RLF: variants seen among roughly 807,000 people sequenced by gnomAD.
RLF encodes the protein zinc finger protein Rlf.
A neutral mutation model predicts 162.9 loss-of-function variants in RLF; 7 were observed. The observed-to-expected ratio is 0.04, with a 90% CI of 0.02 to 0.08. The LOEUF is 0.08. RLF is among the 10% of genes least tolerant of loss of function. The pLI, the probability that RLF is intolerant of heterozygous loss-of-function variation, is 1.00. For synonymous variants in RLF, 782 were observed against 791.5 expected (o/e 0.99, Z 0.20); for missense variants, 1,664 against 2,244.7 (o/e 0.74, Z 5.23).
At chr1:40,221,917 A>AAAAAGAG (rs1486982312) in intron 5 of RLF, among the ~76,000 whole-genome samples, 7 of 150,372 alleles carry the variant, frequency 4.7e-5, no homozygotes, top group African/African-American at 1.5e-4. Flanking sequence ...AAAAAAAAAA[A>AAAAAGAG]AGAGAAAGGA....
chr1:40,213,937 T>G (rs543998673), intron 5 of RLF, among the ~76,000 whole-genome samples: 31 of 152,376 alleles, frequency 2.0e-4, no homozygotes, highest in African/African-American at 7.0e-4. Context: ...CCTTCTGTTA[T>G]GCCAGTTGGC....
chr1:40,175,461 C>T (rs1642310588), intron 1 of RLF, among the ~76,000 whole-genome samples: 1 of 151,938 alleles, frequency 6.6e-6, no homozygotes, highest in African/African-American at 2.4e-5. Context: ...CCAGCCTGGC[C>T]AGTATGGTGA....
Position 40,239,903 on chromosome 1 carries a change from G to A in RLF, c.5201G>A (p.Gly1734Glu). ...KESETRQHSSGQENTVKNPTH... is the reference protein window; with the variant it reads ...KESETRQHSSEQENTVKNPTH... ...TCAGAAACTAGGCAGCATAGTTCAGGGCAAGAAAACACTGTAAAAAATCCA... is the reference window on the plus strand; with the variant it reads ...TCAGAAACTAGGCAGCATAGTTCAGAGCAAGAAAACACTGTAAAAAATCCA... The change falls in exon 8 of 8, where the codon GGG (glycine) becomes GAG (glutamate). Residue 1734 changes from glycine (G) to glutamate (E), a missense_variant. Around this residue, in one of 15 missense-constraint regions of RLF, gnomAD observed 327 missense variants for 342.7 expected, o/e 0.95. Coordinates refer to ENST00000372771, the MANE Select transcript of RLF (RefSeq NM_012421.4). The A allele has an allele frequency of 6.2e-7, 1 of 1,613,594 alleles. No individual in the cohort carries two copies. Among genetic ancestry groups the A allele is most frequent in the South Asian group, 1.1e-5 (1 of 91,080 alleles).
At chr1:40,167,732 C>T (rs1233540087) in intron 1 of RLF, among the ~76,000 whole-genome samples, 1 of 150,458 alleles carries the variant, frequency 6.6e-6, no homozygotes, top group African/African-American at 2.5e-5. Context: ...CACTACTAAT[C>T]TTGTATGTCC....
chr1:40,190,520 G>GCATT (rs1158384362), intron 2 of RLF, among the ~76,000 whole-genome samples: 1 of 152,140 alleles, frequency 6.6e-6, no homozygotes, highest in Non-Finnish European at 1.5e-5. Context: ...CTTGGAATGT[G>GCATT]ATTTCTAAAG....
chr1:40,213,523 G>A (rs1642888896), intron 5 of RLF, among the ~76,000 whole-genome samples: 1 of 152,112 alleles, frequency 6.6e-6, no homozygotes, highest in Non-Finnish European at 1.5e-5. Flanking sequence ...TTTTAAAACT[G>A]GTCAGTATTC....
intron 5 of RLF, among the ~76,000 whole-genome samples, chr1:40,208,816 CA>C (rs1184846175): frequency 1.3e-5 from 2 of 151,980 alleles, no homozygotes; most frequent in Admixed American, 1.3e-4. Context: ...GACCCTGTCT[CA>C]AAAACAAAAA....
At chr1:40,182,553 A>G (rs1189827816) in intron 1 of RLF, among the ~76,000 whole-genome samples, 1 of 152,210 alleles carries the variant, frequency 6.6e-6, no homozygotes, top group African/African-American at 2.4e-5. Flanking sequence ...TTGCATATGT[A>G]TGTAACAATG....
chr1:40,238,456 A>G lies in RLF; in HGVS notation c.3754A>G (p.Ser1252Gly). The stretch of plus-strand genomic sequence containing the variant: ...CTGTCATCCTAAAAAGGATGAATGT[A>G]GTTCTGAAACAGATTTGGAATCATC... The part of the protein sequence containing the change: ...PHCHPKKDEC[S>G]SETDLESSCE... Residue 1252 changes from serine to glycine, a missense_variant, in exon 8 of 8, where the codon AGT (serine) becomes GGT (glycine). This residue lies in a region of RLF where 102 missense variants were observed against 109.5 expected (regional missense o/e 0.93). Transcript: ENST00000372771. This position sits in a 1 kb window ranked among gnomAD's most constrained non-coding sequence, Gnocchi z 5.2. The G allele has an allele frequency of 6.2e-7, 1 of 1,614,174 alleles. No individual in the cohort carries two copies. Among genetic ancestry groups the G allele is most frequent in the Non-Finnish European group, 8.5e-7 (1 of 1,180,008 alleles).
chr1:40,184,649 C>A (rs943774048), intron 1 of RLF, among the ~76,000 whole-genome samples: 4 of 152,176 alleles, frequency 2.6e-5, no homozygotes, highest in African/African-American at 9.7e-5. Context: ...TGAGGGTAAT[C>A]TGCTTGGGAT....
At position 40,161,505 on chromosome 1, in the gene RLF, G is replaced by T. The variant is rs1014343716; in HGVS notation, c.106G>T (p.Gly36Cys). The change falls in exon 1 of 8, where the codon GGT becomes TGT. Residue 36 changes from glycine to cysteine, a missense_variant. By Grantham distance (159) the Gly-to-Cys change is radical. This residue lies in a region of RLF where 134 missense variants were observed against 124.3 expected (regional missense o/e 1.08). Coordinates refer to ENST00000372771, the MANE Select transcript of RLF (RefSeq NM_012421.4). The surrounding 1 kb of genome is among the most constrained non-coding windows in gnomAD (Gnocchi z 4.4). Reference sequence around the variant, plus strand: ...AGTCGAGACTGAGTCCATGGTTCGGGGTCATCGCCCCGTATCTCCAGCGCC... The same window carrying T: ...AGTCGAGACTGAGTCCATGGTTCGGTGTCATCGCCCCGTATCTCCAGCGCC... ...DGVETESMVR[G>C]HRPVSPAPGA... The T allele has an allele frequency of 1.2e-6, 2 of 1,604,558 alleles. No individual in the cohort carries two copies. The highest frequency in any genetic ancestry group is 1.4e-5 in the African/African-American group (1 of 74,050).
intron 5 of RLF, among the ~76,000 whole-genome samples, chr1:40,213,367 G>A (rs16827050): frequency 0.052 from 7,942 of 152,202 alleles, 603 homozygotes; most frequent in African/African-American, 0.17. Context: ...TCAGCAGGAC[G>A]TTTCAGCCTT....
chr1:40,240,132 G>T lies in RLF; in HGVS notation c.5430G>T (p.Gly1810=), dbSNP rs748991047. The T allele has an allele frequency of 5.6e-6, 9 of 1,614,054 alleles. No homozygotes were observed. The highest frequency in any genetic ancestry group is 6.8e-6 in the Non-Finnish European group (8 of 1,180,024). ...CACAGTCCAGTAATGATTTAACAGG[G>T]AATGTTGTGGCAAATAATATGGTGA... ...NSSQSSNDLT[G]NVVANNMVND... is the part of the protein sequence containing the mutation. Residue 1810 remains glycine, a synonymous_variant, in exon 8 of 8, where the codon GGG becomes GGT. Transcript: ENST00000372771.
intron 1 of RLF, among the ~76,000 whole-genome samples, chr1:40,165,689 TCTGA>T (rs1396293964): frequency 2.6e-5 from 4 of 152,250 alleles, no homozygotes; most frequent in African/African-American, 4.8e-5. Context: ...TCTCTTGTTT[TCTGA>T]CTGACATCTG....
Position 40,173,073 on chromosome 1 carries a change from G to GTTTTTTTTTTTTTTTTTTTTT in RLF, c.237+11455_237+11456insTTTTTTTTTTTTTTTTTTTTT, listed in dbSNP as rs765020752. Among the ~76,000 whole-genome samples the GTTTTTTTTTTTTTTTTTTTTT allele has an allele frequency of 1.2e-4, 15 of 128,996 alleles. 1 individual carries two copies. The highest frequency in any genetic ancestry group is 4.5e-4 in the African/African-American group (14 of 31,236). The allele number at this position is 128,996 out of a possible 152,430, so 84.6% of individuals were successfully genotyped here. A position where few individuals can be genotyped will look rare whatever the true frequency, so the allele number is the denominator to read the frequency against. ...TAATTTGCATTTTAGTAACATTCAGGTTTTTTTTTTTTTTTTTTGTGAGGC... is the reference window on the plus strand; with the variant it reads ...TAATTTGCATTTTAGTAACATTCAGGTTTTTTTTTTTTTTTTTTTTTTTTTTTTTTTTTTTTTTTGTGAGGC... On this transcript the variant is annotated intron_variant, in intron 1 of 7. Transcript: ENST00000372771.
At chr1:40,212,392 TAGAATTGA>T (rs1361570533) in intron 5 of RLF, among the ~76,000 whole-genome samples, 1 of 152,202 alleles carries the variant, frequency 6.6e-6, no homozygotes, top group Non-Finnish European at 1.5e-5. Flanking sequence ...TTTATTTATG[TAGAATTGA>T]ATGAGATGAC....
rs1643256698 is a variant in RLF at position 40,239,127 on chromosome 1, T to C, written c.4425T>C (p.Asp1475=). The part of the protein sequence containing the change: ...VYYRHKDYYD[D]LFRSQKVANE... ...ACCGACATAAAGACTATTATGATGATTTGTTTAGAAGCCAGAAAGTAGCAA... is the reference window on the plus strand; with the variant it reads ...ACCGACATAAAGACTATTATGATGACTTGTTTAGAAGCCAGAAAGTAGCAA... Residue 1475 remains aspartate (D), a synonymous_variant, in exon 8 of 8, where the codon GAT becomes GAC. Coordinates refer to ENST00000372771, the MANE Select transcript of RLF (RefSeq NM_012421.4). The C allele has an allele frequency of 6.2e-7, 1 of 1,614,000 alleles. No homozygotes were observed. Among genetic ancestry groups the C allele is most frequent in the Non-Finnish European group, 8.5e-7 (1 of 1,180,028 alleles).
At chr1:40,214,918 CAAAAAAAAAAA>C (rs34756935) in intron 5 of RLF, among the ~76,000 whole-genome samples, 79 of 14,398 alleles carry the variant, frequency 5.5e-3, no homozygotes, top group African/African-American at 0.017. Flanking sequence ...GAGCCTGTCT[CAAAAAAAAAAA>C]AAAAAAAAAA....
At chr1:40,221,056 C>T (rs1642986784) in intron 5 of RLF, among the ~76,000 whole-genome samples, 1 of 151,606 alleles carries the variant, frequency 6.6e-6, no homozygotes, top group Non-Finnish European at 1.5e-5. Flanking sequence ...CGCTTGAGCC[C>T]AGAAGTATGG....
Sources: gnomAD v4.1 joint callset for allele counts (sites outside exome capture counted in the v4.1 genomes callset) on GRCh38, gnomAD v4.1.1 for gene constraint, gnomAD v4.1.1 regional missense constraint, Gnocchi (gnomAD v3.1) non-coding constraint, MANE v1.5 for transcripts, NCBI Gene and HGNC (gene_info 2026-07-23, HGNC 2026-07-21) for gene names.